CNBD1: variants seen among roughly 807,000 people sequenced by gnomAD.
The protein encoded by CNBD1 is cyclic nucleotide-binding domain-containing protein 1.
In CNBD1, 71 loss-of-function variants were observed where a neutral mutation model predicts 54.4. The observed-to-expected ratio is 1.30, with a 90% CI of 1.08 to 1.59. The LOEUF is 1.59. Among genes scored for constraint, CNBD1 ranks in the 40% most tolerant of loss-of-function variants. CNBD1 has a pLI of 0.00. For missense variants in CNBD1, 659 were observed against 518.0 expected (o/e 1.27, Z -2.64); for synonymous variants, 182 against 170.7 (o/e 1.07, Z -0.51).
intron 1 of CNBD1, among the ~76,000 whole-genome samples, chr8:86,885,193 C>T (rs1414489542): frequency 6.6e-6 from 1 of 152,166 alleles, no homozygotes; most frequent in East Asian, 1.9e-4. Context: ...ACTTAATTTA[C>T]TATATGCACA....
At chr8:87,168,260 T>G (rs1024989362) in intron 4 of CNBD1, among the ~76,000 whole-genome samples, 2 of 151,986 alleles carry the variant, frequency 1.3e-5, no homozygotes, top group African/African-American at 2.4e-5. Context: ...AAAGTATGAT[T>G]GCGTATCTAT....
At chr8:86,911,319 T>C (rs747878983) in intron 3 of CNBD1, among the ~76,000 whole-genome samples, 33 of 152,212 alleles carry the variant, frequency 2.2e-4, no homozygotes, top group Non-Finnish European at 4.4e-4. Flanking sequence ...GAGGACTCCT[T>C]CACCCTCACT....
chr8:86,997,967 G>C (rs914370371), intron 4 of CNBD1, among the ~76,000 whole-genome samples: 3 of 152,118 alleles, frequency 2.0e-5, no homozygotes, highest in Admixed American at 6.6e-5. Flanking sequence ...TGTCCTTTAA[G>C]TGCTGAGAGT....
At chr8:87,428,176 CA>C (rs1808082855) in intron 2 of CNBD1, among the ~76,000 whole-genome samples, 1 of 149,770 alleles carries the variant, frequency 6.7e-6, no homozygotes, top group Admixed American at 6.6e-5. Context: ...GTCAGAAAAA[CA>C]AAAACAAAAA....
rs559771181 is a variant in CNBD1, at chr8:86,950,652, C to A, written c.431+10898C>A. Reference sequence around the variant, plus strand: ...GGTTTTGGTATCAGAGTAATACTGGCTTTGAGAATGAGTTTGGAAGTGTGC... The same window carrying A: ...GGTTTTGGTATCAGAGTAATACTGGATTTGAGAATGAGTTTGGAAGTGTGC... On this transcript the variant is annotated intron_variant, in intron 4 of 10. Transcript: ENST00000518476. Among the ~76,000 whole-genome samples, 12 of 152,092 alleles carry A rather than the reference C, an allele frequency of 7.9e-5. No individual in the cohort carries two copies. The South Asian group carries it at 2.5e-3, about 32-fold the overall frequency.
intron 4 of CNBD1, among the ~76,000 whole-genome samples, chr8:87,138,276 G>A (rs929094995): frequency 6.6e-6 from 1 of 152,174 alleles, no homozygotes; most frequent in South Asian, 2.1e-4. Context: ...ACTGAGTGCA[G>A]TACAATTTGA....
intron 2 of CNBD1, among the ~76,000 whole-genome samples, chr8:87,408,671 C>T (rs1366810865): frequency 1.3e-5 from 2 of 152,018 alleles, no homozygotes; most frequent in African/African-American, 2.4e-5. Flanking sequence ...TTGGTGACAG[C>T]CCTGCATCAA....
chr8:87,386,279 T>C (rs951575961), downstream of CNBD1, among the ~76,000 whole-genome samples: 2 of 151,460 alleles, frequency 1.3e-5, no homozygotes, highest in Non-Finnish European at 2.9e-5. Flanking sequence ...CTTTAACGAG[T>C]TGAGAGAAGA....
chr8:87,008,489 C>T (rs1445886521), intron 4 of CNBD1, among the ~76,000 whole-genome samples: 1 of 152,122 alleles, frequency 6.6e-6, no homozygotes, highest in African/African-American at 2.4e-5. Context: ...AGAATTTATC[C>T]AGTAAAAGTT....
At chr8:87,413,350 A>C (rs1386546445) in intron 2 of CNBD1, among the ~76,000 whole-genome samples, 1 of 152,062 alleles carries the variant, frequency 6.6e-6, no homozygotes. Flanking sequence ...AAAATGATTC[A>C]AGTCTTCATC....
intron 4 of CNBD1, among the ~76,000 whole-genome samples, chr8:87,146,394 G>A (rs767966): frequency 0.022 from 3,350 of 152,124 alleles, 131 homozygotes; most frequent in African/African-American, 0.074. Context: ...CACTTGCCTT[G>A]AGGACACCAA....
In CNBD1 at chr8:87,058,855, T is replaced by G. The variant is rs183603436; in HGVS notation, c.431+119101T>G. 9.2e-5 allele frequency among the ~76,000 whole-genome samples: 14 copies of G among 152,314 alleles called. No individual in the cohort carries two copies. In the East Asian group the frequency reaches 2.5e-3, roughly 27 times the overall value. On this transcript the variant is annotated intron_variant, in intron 4 of 10. Transcript: ENST00000518476. The stretch of plus-strand genomic sequence containing the variant: ...TTGTTTTGGAGATTAACATTTGGCT[T>G]ATTGTTACTTATGCAAATTTATGCA...
At chr8:86,897,850 A>C (rs1808870814) in intron 2 of CNBD1, among the ~76,000 whole-genome samples, 1 of 152,128 alleles carries the variant, frequency 6.6e-6, no homozygotes, top group Non-Finnish European at 1.5e-5. Flanking sequence ...CAGTACCCTA[A>C]AAGTACCTCT....
chr8:87,402,971 C>G (rs1303618280), intron 2 of CNBD1, among the ~76,000 whole-genome samples: 1 of 152,010 alleles, frequency 6.6e-6, no homozygotes, highest in Non-Finnish European at 1.5e-5. Context: ...TGTGTTATCT[C>G]TCCAAGGAAA....
chr8:86,988,236 G>A (rs569847233), intron 4 of CNBD1, among the ~76,000 whole-genome samples: 15 of 150,868 alleles, frequency 9.9e-5, no homozygotes, highest in Admixed American at 4.6e-4. Context: ...ATTTCCAGAG[G>A]TTGTATGTTT....
chr8:87,266,597 G>A (rs894019076), intron 6 of CNBD1, among the ~76,000 whole-genome samples: 4 of 151,334 alleles, frequency 2.6e-5, no homozygotes, highest in African/African-American at 4.9e-5. Flanking sequence ...GATTACAGGC[G>A]TGTGCCACCA....
chr8:87,259,213 C>G (rs1808085418), intron 6 of CNBD1, among the ~76,000 whole-genome samples: 1 of 152,146 alleles, frequency 6.6e-6, no homozygotes. Flanking sequence ...CTAAACATCC[C>G]TCTTTTTAAA....
chr8:87,350,307 T>C (rs1045169035), intron 8 of CNBD1, among the ~76,000 whole-genome samples: 3 of 152,002 alleles, frequency 2.0e-5, no homozygotes, highest in Non-Finnish European at 2.9e-5. Flanking sequence ...ACAAAATAAA[T>C]GATTGACAAC....
intron 3 of CNBD1, among the ~76,000 whole-genome samples, chr8:86,931,515 C>T (rs947065223): frequency 2.0e-5 from 3 of 152,170 alleles, no homozygotes; most frequent in East Asian, 3.9e-4. Context: ...ACACTGATAA[C>T]AAGCCCTACT....
Sources: allele counts gnomAD v4.1 joint callset (sites outside exome capture counted in the v4.1 genomes callset), GRCh38; gene constraint gnomAD v4.1.1; transcripts MANE v1.5; gene names NCBI Gene and HGNC (gene_info 2026-07-23, HGNC 2026-07-21).